AOPEP: variants seen among roughly 807,000 people sequenced by gnomAD.
AOPEP encodes the protein aminopeptidase O (putative).
Under a neutral mutation model 98.1 loss-of-function variants are expected in AOPEP, and 77 were observed. That is an observed-to-expected ratio of 0.78 (90% CI 0.65 to 0.95). AOPEP has a LOEUF of 0.95. Among genes scored for constraint, AOPEP ranks in the 40% least tolerant of loss-of-function variants. AOPEP has a pLI of 0.00. For missense variants in AOPEP, 1,024 were observed against 1,024.7 expected (o/e 1.00, Z 0.01); for synonymous variants, 346 against 365.3 (o/e 0.95, Z 0.60).
chr9:94,858,097 A>C (rs975371621), intron 5 of AOPEP, among the ~76,000 whole-genome samples: 3 of 151,840 alleles, frequency 2.0e-5, no homozygotes, highest in Non-Finnish European at 4.4e-5. Context: ...AAAAAAAAAA[A>C]CAAAAACACA....
At chr9:94,740,194 T>C (rs1212050878) in intron 1 of AOPEP, among the ~76,000 whole-genome samples, 1 of 151,968 alleles carries the variant, frequency 6.6e-6, no homozygotes, top group Non-Finnish European at 1.5e-5. Context: ...AGATGAAGGA[T>C]TGGCTAGTTT....
chr9:94,842,460 C>T (rs1286498960), intron 5 of AOPEP, among the ~76,000 whole-genome samples: 1 of 152,164 alleles, frequency 6.6e-6, no homozygotes, highest in East Asian at 1.9e-4. Flanking sequence ...AGTTGTCTAT[C>T]CAAGGCTCTC....
chr9:94,761,006 C>G (rs1205605320), intron 2 of AOPEP, among the ~76,000 whole-genome samples: 1 of 152,188 alleles, frequency 6.6e-6, no homozygotes, highest in Admixed American at 6.5e-5. Flanking sequence ...TGAAGCCTGG[C>G]AAAGTGCTTT....
chr9:94,804,162 C>G (rs1434217956), intron 5 of AOPEP, among the ~76,000 whole-genome samples: 1 of 152,148 alleles, frequency 6.6e-6, no homozygotes, highest in African/African-American at 2.4e-5. Flanking sequence ...CACTTACACT[C>G]TCTGTTATAA....
chr9:94,943,618 A>G (rs911083867), intron 7 of AOPEP, among the ~76,000 whole-genome samples: 5 of 145,098 alleles, frequency 3.4e-5, no homozygotes, highest in East Asian at 2.0e-4. Context: ...AAGAAAAAAG[A>G]AAAAAAAAGG....
the AOPEP span, among the ~76,000 whole-genome samples, chr9:95,138,854 G>A: frequency 2.0e-5 from 3 of 152,204 alleles, no homozygotes; most frequent in Admixed American, 6.5e-5. Context: ...AGTAAAGTGC[G>A]TGATGCGCCC....
At chr9:95,069,626 A>G (rs747653201) in intron 14 of AOPEP, among the ~76,000 whole-genome samples, 2 of 152,256 alleles carry the variant, frequency 1.3e-5, no homozygotes, top group African/African-American at 4.8e-5. Flanking sequence ...CAGGTTTTCA[A>G]AAGTAGTTAA....
chr9:94,738,263 A>C (rs1039555203), intron 1 of AOPEP, among the ~76,000 whole-genome samples: 1 of 152,192 alleles, frequency 6.6e-6, no homozygotes, highest in Non-Finnish European at 1.5e-5. Context: ...GAATTCCCAA[A>C]GGAGAAAGAC....
At chr9:94,925,934 G>A (rs1055405535) in intron 6 of AOPEP, among the ~76,000 whole-genome samples, 13 of 152,218 alleles carry the variant, frequency 8.5e-5, no homozygotes, top group African/African-American at 2.9e-4. Context: ...TGCCTGACAC[G>A]TGGAGAATGT....
the AOPEP span, among the ~76,000 whole-genome samples, chr9:95,135,695 C>T: frequency 6.6e-6 from 1 of 152,136 alleles, no homozygotes. Context: ...AATATGCTTC[C>T]ACTTCAACTC....
In AOPEP at chr9:94,760,628, G is replaced by A. The variant is rs867251931; in HGVS notation, c.797+48G>A. The A allele has an allele frequency of 9.1e-6, 13 of 1,430,860 alleles. No homozygotes were observed. In the Middle Eastern group the frequency reaches 5.5e-4, roughly 60 times the overall value. The allele number at this position is 1,430,860 out of a possible 1,614,324, so 88.6% of individuals were successfully genotyped here. A position where few individuals can be genotyped will look rare whatever the true frequency, so the allele number is the denominator to read the frequency against. ...AGCCCTGTGCCTGTTAATCTTGTAC[G>A]CTGCGGGGATGCTTTCAAACATGAG... is the stretch of plus-strand genomic sequence containing the variant. On this transcript the variant is annotated intron_variant, in intron 2 of 16. Coordinates refer to ENST00000375315, the MANE Select transcript of AOPEP (RefSeq NM_001193329.3).
chr9:94,922,830 A>T (rs560047962), intron 5 of AOPEP, among the ~76,000 whole-genome samples: 1 of 152,288 alleles, frequency 6.6e-6, no homozygotes, highest in East Asian at 1.9e-4. Context: ...CTGTTTTGGC[A>T]GACATGACTA....
intron 13 of AOPEP, among the ~76,000 whole-genome samples, chr9:95,057,750 C>A (rs1415551893): frequency 6.6e-6 from 1 of 152,154 alleles, no homozygotes; most frequent in African/African-American, 2.4e-5. Flanking sequence ...CATTTCCCCC[C>A]ATGAGTTAGA....
chr9:95,135,591 C>G, the AOPEP span: 4 of 1,097,048 alleles, frequency 3.6e-6, no homozygotes, highest in Non-Finnish European at 5.4e-6. Flanking sequence ...ATCACTAATC[C>G]AATTTGTGAG....
chr9:94,831,457 C>T (rs1328884688), intron 5 of AOPEP, among the ~76,000 whole-genome samples: 1 of 152,104 alleles, frequency 6.6e-6, no homozygotes, highest in Non-Finnish European at 1.5e-5. Flanking sequence ...GTTACTGTAG[C>T]CTTGTAGTGT....
chr9:95,055,326 G>A (rs975317208), intron 13 of AOPEP, among the ~76,000 whole-genome samples: 1 of 152,138 alleles, frequency 6.6e-6, no homozygotes, highest in African/African-American at 2.4e-5. Context: ...TGGGTTCTGT[G>A]GCTCTGAACG....
intron 5 of AOPEP, among the ~76,000 whole-genome samples, chr9:94,892,777 C>T (rs1452605346): frequency 6.6e-6 from 1 of 152,058 alleles, no homozygotes; most frequent in Non-Finnish European, 1.5e-5. Flanking sequence ...GTATTGGTAC[C>T]AGAATGGCTC....
At chr9:94,940,915 A>G (rs776407782) in intron 7 of AOPEP, among the ~76,000 whole-genome samples, 2 of 152,146 alleles carry the variant, frequency 1.3e-5, no homozygotes, top group African/African-American at 2.4e-5. Context: ...CAGAACATGG[A>G]AACACCTCCC....
rs141860133 is a variant in AOPEP at position 94,909,257 on chromosome 9, G to A, written c.1365-14729G>A. Among the ~76,000 whole-genome samples the A allele has an allele frequency of 2.0e-4, 29 of 148,048 alleles. No homozygotes were observed. In the East Asian group the frequency reaches 5.6e-3, roughly 29 times the overall value. On this transcript the variant is annotated intron_variant, in intron 5 of 16. Coordinates refer to ENST00000375315, the MANE Select transcript of AOPEP (RefSeq NM_001193329.3). ...AAACATGCTGTAGTTAAGGTTACGC[G>A]CATTGAGCGTCAGCATAATCCAGTT... is the stretch of plus-strand genomic sequence containing the variant.
Sources: gnomAD v4.1 joint callset for allele counts (sites outside exome capture counted in the v4.1 genomes callset) on GRCh38, gnomAD v4.1.1 for gene constraint, MANE v1.5 for transcripts, NCBI Gene and HGNC (gene_info 2026-07-23, HGNC 2026-07-21) for gene names.